ATP11A: variants seen among roughly 807,000 people sequenced by gnomAD.
ATP11A encodes phospholipid-transporting ATPase IH.
ATP11A carries 81 observed loss-of-function variants against 154.4 expected under a neutral mutation model. The observed-to-expected ratio is 0.52, with a 90% CI of 0.44 to 0.63. The LOEUF is 0.63. ATP11A is among the 30% of genes least tolerant of loss of function. ATP11A has a pLI of 0.00. For synonymous variants in ATP11A, 623 were observed against 585.9 expected (o/e 1.06, Z -0.91); for missense variants, 1,316 against 1,474.3 (o/e 0.89, Z 1.76).
At chr13:112,788,073 A>G (rs1176608793) in intron 2 of ATP11A, among the ~76,000 whole-genome samples, 1 of 150,336 alleles carries the variant, frequency 6.7e-6, no homozygotes, top group African/African-American at 2.5e-5. Flanking sequence ...TACCTACTTA[A>G]TTCACACCGG....
At chr13:112,831,661 C>A in intron 13 of ATP11A, 113 bp downstream of exon 13, 4 of 1,244,666 alleles carry the variant, frequency 3.2e-6, no homozygotes, top group Non-Finnish European at 4.5e-6. Flanking sequence ...TCTCTACGGA[C>A]TTCAGTGGGA....
intron 1 of ATP11A, among the ~76,000 whole-genome samples, chr13:112,707,954 C>T (rs1345432465): frequency 6.6e-6 from 1 of 152,218 alleles, no homozygotes; most frequent in African/African-American, 2.4e-5. Context: ...TCAGCAAATC[C>T]ATGAGACGCT....
chr13:112,811,979 A>T (rs539783630), intron 5 of ATP11A: 1 of 152,330 alleles, frequency 6.6e-6, no homozygotes, highest in African/African-American at 2.4e-5. Flanking sequence ...ATGCCTGCAC[A>T]CCAATGTGTG....
At chr13:112,877,122 T>C (rs1456389096) in intron 28 of ATP11A, among the ~76,000 whole-genome samples, 1 of 152,134 alleles carries the variant, frequency 6.6e-6, no homozygotes, top group Non-Finnish European at 1.5e-5. Flanking sequence ...CTCCACTGAC[T>C]CGGGGGCCAC....
At chr13:112,752,482 G>A (rs1234648475) in intron 1 of ATP11A, among the ~76,000 whole-genome samples, 6 of 152,142 alleles carry the variant, frequency 3.9e-5, no homozygotes, top group Non-Finnish European at 7.4e-5. Flanking sequence ...CCTGGTGGGC[G>A]CCCCTGTGCG....
At chr13:112,845,807 A>ACTCGCGG (rs1566565031) in intron 17 of ATP11A, among the ~76,000 whole-genome samples, 1 of 88,992 alleles carries the variant, frequency 1.1e-5, no homozygotes, top group Non-Finnish European at 2.3e-5. Context: ...GGCACTAGTG[A>ACTCGCGG]TACTAACCAG....
At chr13:112,732,457 G>T (rs907577119) in intron 1 of ATP11A, among the ~76,000 whole-genome samples, 4 of 151,460 alleles carry the variant, frequency 2.6e-5, no homozygotes, top group African/African-American at 9.7e-5. Context: ...TCTCTCTCCA[G>T]CTCTGTCTCT....
intron 10 of ATP11A, 140 bp from the exon 11 acceptor site, chr13:112,825,290 C>G (rs559668285): frequency 1.1e-6 from 1 of 887,204 alleles, no homozygotes; most frequent in East Asian, 2.8e-5. Flanking sequence ...GAGGACCCAC[C>G]GTGGTGCGTT....
At chr13:112,877,159 C>T (rs1056321135) in intron 28 of ATP11A, among the ~76,000 whole-genome samples, 1 of 152,168 alleles carries the variant, frequency 6.6e-6, no homozygotes, top group East Asian at 1.9e-4. Context: ...GCAGAACGTG[C>T]CAGTTGGCTG....
intron 8 of ATP11A, among the ~76,000 whole-genome samples, chr13:112,822,650 G>A (rs2078828540): frequency 6.6e-6 from 1 of 151,378 alleles, no homozygotes; most frequent in Admixed American, 6.6e-5. Flanking sequence ...ACTTTGGGAG[G>A]CCAAAGCTCA....
intron 28 of ATP11A, chr13:112,876,206 T>C (rs1413154388): frequency 3.3e-6 from 1 of 307,608 alleles, no homozygotes; most frequent in African/African-American, 2.1e-5. Flanking sequence ...AAAAGGCAAA[T>C]TATTTCATGT....
At chr13:112,738,305 A>G (rs282601) in intron 1 of ATP11A, among the ~76,000 whole-genome samples, 35,393 of 151,990 alleles carry the variant, frequency 0.23, 5,349 homozygotes, top group African/African-American at 0.43. Flanking sequence ...CCCAGGAAGC[A>G]GAGGTTGCAG....
At position 112,746,632 on chromosome 13, in the gene ATP11A, A is replaced by T. The variant is rs1892189777; in HGVS notation, c.40-38503A>T. On this transcript the variant is annotated intron_variant, in intron 1 of 29. Transcript: ENST00000375645. This position sits in a 1 kb window ranked among gnomAD's most constrained non-coding sequence, Gnocchi z 4.1. ...ACAACCATACCTCACTGCAGCTTCG[A>T]CCTCCTGGGCTCAAGCGATCCTCCC... 6.9e-6 allele frequency: 1 copy of T among 145,922 alleles called. No homozygotes were observed. The highest frequency in any genetic ancestry group is 2.2e-4 in the South Asian group (1 of 4,514). 9.0% of individuals were successfully genotyped at this position (145,922 alleles called of 1,614,324 possible).
At chr13:112,781,211 T>G (rs939781931) in intron 1 of ATP11A, among the ~76,000 whole-genome samples, 3 of 152,022 alleles carry the variant, frequency 2.0e-5, no homozygotes, top group Non-Finnish European at 4.4e-5. Context: ...TTTTTGTATT[T>G]TTTTTTTCAG....
In ATP11A at chr13:112,875,094, A is replaced by T. The variant is rs916556357; in HGVS notation, c.3162-682A>T. ...CCAGCCCCATCCCAGGTCTGCCAGCAGCTGCGTGTCCCTCCCGTTACCCAC... is the reference window on the plus strand; with the variant it reads ...CCAGCCCCATCCCAGGTCTGCCAGCTGCTGCGTGTCCCTCCCGTTACCCAC... On this transcript the variant is annotated intron_variant, in intron 27 of 29. Coordinates refer to ENST00000375645, the MANE Select transcript of ATP11A (RefSeq NM_015205.3). The surrounding 1 kb of genome is among the most constrained non-coding windows in gnomAD (Gnocchi z 4.1). Among the ~76,000 whole-genome samples, 27 of 152,124 alleles carry T rather than the reference A, an allele frequency of 1.8e-4. 1 individual carries two copies. Among genetic ancestry groups the T allele is most frequent in the African/African-American group, 6.5e-4 (27 of 41,432 alleles).
At chr13:112,869,326 GGC>G (rs754236637) in intron 25 of ATP11A, among the ~76,000 whole-genome samples, 6 of 152,204 alleles carry the variant, frequency 3.9e-5, no homozygotes, top group Non-Finnish European at 7.3e-5. Context: ...TTACAGCTGT[GGC>G]CCATGTGCTC....
intron 17 of ATP11A, 51 bp downstream of exon 17, chr13:112,842,430 A>G (rs771061177): frequency 6.9e-6 from 9 of 1,307,134 alleles, no homozygotes; most frequent in Non-Finnish European, 9.8e-6. Flanking sequence ...CCCTGCTGTC[A>G]GGAAGGAATT....
At chr13:112,770,718 G>A (rs1451145048) in intron 1 of ATP11A, among the ~76,000 whole-genome samples, 1 of 152,230 alleles carries the variant, frequency 6.6e-6, no homozygotes, top group Non-Finnish European at 1.5e-5. Context: ...GGTGCCCCTG[G>A]GAGCCACTGA....
At chr13:112,850,109 G>A (rs951104565) in intron 17 of ATP11A, among the ~76,000 whole-genome samples, 3 of 152,222 alleles carry the variant, frequency 2.0e-5, no homozygotes, top group Admixed American at 1.3e-4. Context: ...CAGTTAAGAG[G>A]TCGGAACTAG....
Sources: allele counts gnomAD v4.1 joint callset (sites outside exome capture counted in the v4.1 genomes callset), GRCh38; gene constraint gnomAD v4.1.1; non-coding constraint Gnocchi (gnomAD v3.1); transcripts MANE v1.5; gene names NCBI Gene and HGNC (gene_info 2026-07-23, HGNC 2026-07-21).